Variants in ANO7 observed in about 807,000 individuals in gnomAD.
The protein encoded by ANO7 is anoctamin-7.
Under a neutral mutation model 115.8 loss-of-function variants are expected in ANO7, and 114 were observed. The observed-to-expected ratio is 0.98, with a 90% CI of 0.85 to 1.15. The LOEUF is 1.15. Among genes scored for constraint, ANO7 ranks in the 50% most tolerant of loss-of-function variants. ANO7 has a pLI of 0.00. For missense variants in ANO7, 1,302 were observed against 1,201.2 expected, an observed-to-expected ratio of 1.08 and a Z score of -1.24; for synonymous variants, 550 against 498.2, an observed-to-expected ratio of 1.10 and a Z score of -1.38.
At chr2:241,234,415 C>T in the ANO7 span, among the ~76,000 whole-genome samples, 1 of 152,228 alleles carries the variant, frequency 6.6e-6, no homozygotes, top group Non-Finnish European at 1.5e-5. Context: ...CAGGTATGAC[C>T]TGGCTGCAGG....
At chr2:241,239,562 T>TG in the ANO7 span, 3 of 1,534,670 alleles carry the variant, frequency 2.0e-6, no homozygotes, top group South Asian at 1.1e-5. The surrounding 1 kb of genome is among the most constrained non-coding windows in gnomAD (Gnocchi z 4.6). Flanking sequence ...GAGTGGCCAC[T>TG]GGGGGGTGAG....
At position 241,223,589 on chromosome 2, in the gene ANO7, C is replaced by T. The variant is rs1002068085; in HGVS notation, c.2413-73C>T. ...CCACAGCTGGGAGCAGGTGCCGGAG[C>T]CCCGGCCTGCCTGGCCCTGTGAAGG... On this transcript the variant is annotated intron_variant, in intron 22 of 24. Coordinates refer to ENST00000674324, the MANE Select transcript of ANO7 (RefSeq NM_001370694.2). The T allele has an allele frequency of 1.0e-5, 16 of 1,571,320 alleles. No individual in the cohort carries two copies. In the Admixed American group the frequency reaches 2.6e-4, roughly 26 times the overall value.
At chr2:241,211,274 G>A (rs2149223884) in intron 15 of ANO7, among the ~76,000 whole-genome samples, 1 of 152,270 alleles carries the variant, frequency 6.6e-6, no homozygotes, top group Non-Finnish European at 1.5e-5. Flanking sequence ...TGGGGTATCG[G>A]CTGCTGGGCT....
At chr2:241,226,113 G>A (rs368217319), downstream of ANO7, among the ~76,000 whole-genome samples, 59 of 151,884 alleles carry the variant, frequency 3.9e-4, 4 homozygotes, top group South Asian at 0.011. Context: ...CGATGCCCAC[G>A]TGCGCCCTAC....
In ANO7 at chr2:241,195,714, C is replaced by T; in HGVS notation, c.178C>T (p.Leu60Phe). ...CTGTTGGCTCCCAGCAGACTTCGTC[C>T]TCGTTTGGGAGGAGGACCTGAAGCT... Reference protein sequence around the residue: ...PAKPRIADFVLVWEEDLKLDR... With the variant: ...PAKPRIADFVFVWEEDLKLDR... Residue 60 changes from leucine (L) to phenylalanine (F), a missense_variant, in exon 4 of 25, where the codon CTC (leucine) becomes TTC (phenylalanine). Coordinates refer to ENST00000674324, the MANE Select transcript of ANO7 (RefSeq NM_001370694.2). 6.2e-7 allele frequency: 1 copy of T among 1,614,140 alleles called. No individual in the cohort carries two copies. Among genetic ancestry groups the T allele is most frequent in the Admixed American group, 1.7e-5 (1 of 60,018 alleles).
the ANO7 span, chr2:241,235,059 T>A: frequency 6.3e-7 from 1 of 1,582,668 alleles, no homozygotes; most frequent in Admixed American, 1.7e-5. Flanking sequence ...CCCTAGATTC[T>A]GACATGTGCC....
chr2:241,234,020 C>A, the ANO7 span: 2 of 1,594,362 alleles, frequency 1.3e-6, no homozygotes, highest in South Asian at 2.2e-5. Context: ...CCCTGTGACT[C>A]CATTCCCCTT....
the ANO7 span, chr2:241,236,758 C>G: frequency 1.2e-6 from 2 of 1,614,052 alleles, no homozygotes; most frequent in Non-Finnish European, 8.5e-7. Flanking sequence ...ACAACTGGCT[C>G]TGTACTGTGA....
chr2:241,230,533 G>C (rs1301033929), downstream of ANO7, among the ~76,000 whole-genome samples: 1 of 152,214 alleles, frequency 6.6e-6, no homozygotes, highest in Non-Finnish European at 1.5e-5. The surrounding 1 kb of genome is among the most constrained non-coding windows in gnomAD (Gnocchi z 5.0). Context: ...AGCTCGCCAG[G>C]CAGCTGTCAA....
In ANO7 at chr2:241,218,252, C is replaced by T. The variant is rs758496576; in HGVS notation, c.2192C>T (p.Ala731Val). 30 of 1,524,504 alleles carry T rather than the reference C, an allele frequency of 2.0e-5. No individual in the cohort carries two copies. The South Asian group carries it at 2.2e-4, about 11-fold the overall frequency. 94.4% of individuals were successfully genotyped at this position (1,524,504 alleles called of 1,614,324 possible). Residue 731 changes from alanine to valine, a missense_variant, in exon 21 of 25, where the codon GCC (alanine) becomes GTC (valine). Coordinates refer to ENST00000674324, the MANE Select transcript of ANO7 (RefSeq NM_001370694.2). ...TCCGGCGCCCAGGCCTTCCTCCTGG[C>T]CTTCTCGTCCGACTTCCTGCCGCGC... Reference protein sequence around the residue: ...LAVISNAFLLAFSSDFLPRAY... With the variant: ...LAVISNAFLLVFSSDFLPRAY...
intron 19 of ANO7, among the ~76,000 whole-genome samples, chr2:241,216,961 G>C (rs1050795834): frequency 2.0e-5 from 3 of 152,296 alleles, no homozygotes; most frequent in Non-Finnish European, 4.4e-5. Flanking sequence ...AGCCTCCCGA[G>C]TAGCTGGGAT....
At chr2:241,209,007 G>A (rs1368692911) in intron 11 of ANO7, among the ~76,000 whole-genome samples, 1 of 152,166 alleles carries the variant, frequency 6.6e-6, no homozygotes, top group South Asian at 2.1e-4. Context: ...AATTTAGCCG[G>A]GCGTGGTGGC....
Position 241,217,791 on chromosome 2 carries a change from T to C in ANO7, c.2078T>C (p.Phe693Ser), listed in dbSNP as rs141919134. The part of the protein sequence containing the change: ...WVEIRLDARK[F>S]VCEYRRPVAE... ...GAGATCCGCTTGGACGCGCGCAAGT[T>C]CGTCTGCGAGTACCGGCGCCCGGTG... The change falls in exon 20 of 25, where the codon TTC (phenylalanine) becomes TCC (serine). Residue 693 changes from phenylalanine to serine, a missense_variant. Physicochemically the swap from Phe to Ser is radical, Grantham distance 155. Coordinates refer to ENST00000674324, the MANE Select transcript of ANO7 (RefSeq NM_001370694.2). 5 of 1,610,302 alleles carry C rather than the reference T, an allele frequency of 3.1e-6. No homozygotes were observed. The highest frequency in any genetic ancestry group is 4.2e-6 in the Non-Finnish European group (5 of 1,179,056).
downstream of ANO7, chr2:241,229,905 G>A (rs763446242): frequency 2.5e-5 from 40 of 1,598,670 alleles, no homozygotes; most frequent in Non-Finnish European, 3.2e-5. Context: ...TGGCCTCTTC[G>A]TGTGCTGGGG....
chr2:241,196,104 C>T, intron 4 of ANO7: 1 of 1,394,570 alleles, frequency 7.2e-7, no homozygotes, highest in Non-Finnish European at 9.3e-7. Flanking sequence ...CACCTGAAAA[C>T]TCTGACACTA....
chr2:241,208,810 G>T (rs1024009600), intron 11 of ANO7, among the ~76,000 whole-genome samples: 1 of 152,164 alleles, frequency 6.6e-6, no homozygotes, highest in Non-Finnish European at 1.5e-5. Context: ...GGTGTGAGCC[G>T]TCCTGAGGCA....
intron 11 of ANO7, among the ~76,000 whole-genome samples, chr2:241,208,154 T>G (rs1045134027): frequency 1.3e-5 from 2 of 152,218 alleles, no homozygotes; most frequent in Non-Finnish European, 1.5e-5. Context: ...GTACCCCACA[T>G]GCACTGGACC....
intron 11 of ANO7, among the ~76,000 whole-genome samples, 164 bp downstream of exon 11, chr2:241,207,834 G>C (rs2068628060): frequency 6.6e-6 from 1 of 152,186 alleles, no homozygotes; most frequent in African/African-American, 2.4e-5. Context: ...CTCTTGCCTG[G>C]AACTGGGGTT....
At chr2:241,189,763 C>A (rs73114145) in intron 1 of ANO7, among the ~76,000 whole-genome samples, 1 of 152,138 alleles carries the variant, frequency 6.6e-6, no homozygotes, top group Admixed American at 6.5e-5. Context: ...GCAGAGTGGA[C>A]GGCATTCAGG....
Sources: gnomAD v4.1 joint callset for allele counts (sites outside exome capture counted in the v4.1 genomes callset) on GRCh38, gnomAD v4.1.1 for gene constraint, Gnocchi (gnomAD v3.1) non-coding constraint, MANE v1.5 for transcripts, NCBI Gene and HGNC (gene_info 2026-07-23, HGNC 2026-07-21) for gene names.